Variants in SNTG1 observed in about 807,000 individuals in gnomAD.
SNTG1 encodes the protein gamma-1-syntrophin.
Under a neutral mutation model 74.7 loss-of-function variants are expected in SNTG1, and 39 were observed. That is an observed-to-expected ratio of 0.52 (90% CI 0.40 to 0.68). The LOEUF is 0.68. Ranked by LOEUF, SNTG1 falls within the 30% of genes least tolerant of loss-of-function variation. SNTG1 has a pLI of 0.00. For missense variants in SNTG1, 685 were observed against 609.5 expected (o/e 1.12, Z -1.30); for synonymous variants, 254 against 217.1 (o/e 1.17, Z -1.49).
intron 1 of SNTG1, among the ~76,000 whole-genome samples, chr8:50,006,569 T>C (rs1815260050): frequency 6.6e-6 from 1 of 152,154 alleles, no homozygotes; most frequent in South Asian, 2.1e-4. Context: ...ATTTACCTTG[T>C]TTGGATTTAG....
At chr8:50,156,915 G>A (rs2082272388) in intron 1 of SNTG1, among the ~76,000 whole-genome samples, 1 of 152,134 alleles carries the variant, frequency 6.6e-6, no homozygotes, top group Non-Finnish European at 1.5e-5. Context: ...CACAAGCACT[G>A]TGTGAAATGT....
At chr8:49,995,809 C>A (rs1296771675) in intron 1 of SNTG1, among the ~76,000 whole-genome samples, 1 of 152,196 alleles carries the variant, frequency 6.6e-6, no homozygotes, top group Non-Finnish European at 1.5e-5. Context: ...TCAATAAATC[C>A]TCATTTTACT....
intron 12 of SNTG1, among the ~76,000 whole-genome samples, chr8:50,577,465 T>G (rs1041983864): frequency 5.3e-5 from 8 of 151,604 alleles, no homozygotes; most frequent in East Asian, 3.9e-4. Context: ...TTTTTTGTTT[T>G]TTTTTTTCTT....
At chr8:50,778,678 C>T (rs1452628588) in intron 18 of SNTG1, among the ~76,000 whole-genome samples, 1 of 127,792 alleles carries the variant, frequency 7.8e-6, no homozygotes, top group Admixed American at 7.1e-5. Flanking sequence ...ATGGTAGTTT[C>T]TTTTGCTGTG....
At chr8:50,224,142 A>G (rs1386939560) in intron 2 of SNTG1, among the ~76,000 whole-genome samples, 1 of 152,218 alleles carries the variant, frequency 6.6e-6, no homozygotes, top group African/African-American at 2.4e-5. Flanking sequence ...ATATAAAAAC[A>G]TATAAAGTGA....
At chr8:50,130,114 C>T (rs932611622) in intron 1 of SNTG1, among the ~76,000 whole-genome samples, 1 of 152,118 alleles carries the variant, frequency 6.6e-6, no homozygotes, top group Non-Finnish European at 1.5e-5. Context: ...AAGTTTAAAA[C>T]TCTGAGGAGA....
chr8:50,086,173 G>A (rs1822868720), intron 1 of SNTG1, among the ~76,000 whole-genome samples: 1 of 152,150 alleles, frequency 6.6e-6, no homozygotes, highest in Admixed American at 6.6e-5. Context: ...GCCACATAGG[G>A]GACTACAGAG....
At chr8:50,566,044 T>A (rs1204441182) in intron 12 of SNTG1, among the ~76,000 whole-genome samples, 1 of 150,426 alleles carries the variant, frequency 6.6e-6, no homozygotes, top group African/African-American at 2.5e-5. Flanking sequence ...TAAGACTCAA[T>A]TTATTTTTTA....
intron 8 of SNTG1, among the ~76,000 whole-genome samples, chr8:50,468,408 T>C (rs987451345): frequency 6.6e-6 from 1 of 152,080 alleles, no homozygotes; most frequent in Non-Finnish European, 1.5e-5. Context: ...CCCTTAGCTT[T>C]AGTAATTCTC....
intron 2 of SNTG1, among the ~76,000 whole-genome samples, chr8:50,373,132 A>G (rs1236405953): frequency 1.3e-5 from 2 of 152,214 alleles, no homozygotes; most frequent in African/African-American, 4.8e-5. Flanking sequence ...TGTGTTAATT[A>G]CAAATCATTC....
In SNTG1 at chr8:50,381,836, T is replaced by TTATA. The variant is rs530776565; in HGVS notation, c.-27-12362_-27-12359dup. The TTATA allele has an allele frequency of 4.5e-3, 448 of 98,926 alleles. 3 individuals are homozygous for TTATA. The highest frequency in any genetic ancestry group is 0.012 in the African/African-American group (339 of 28,980). 6.1% of individuals were successfully genotyped at this position (98,926 alleles called of 1,614,324 possible). Reference sequence around the variant, plus strand: ...GCTATATATATAACATATATATATATTATATATATATATATATGAAGGGGA... The same window carrying TTATA: ...GCTATATATATAACATATATATATATTATATATATATATATATATATGAAGGGGA... On this transcript the variant is annotated intron_variant, in intron 2 of 18. Coordinates refer to ENST00000642720, the MANE Select transcript of SNTG1 (RefSeq NM_018967.5).
chr8:50,643,460 C>A (rs530700756), intron 13 of SNTG1, among the ~76,000 whole-genome samples: 1 of 152,256 alleles, frequency 6.6e-6, no homozygotes, highest in South Asian at 2.1e-4. Context: ...AAGCAGCTGG[C>A]AAGAGGGGAA....
intron 2 of SNTG1, among the ~76,000 whole-genome samples, chr8:50,221,550 C>A (rs1372879486): frequency 1.4e-5 from 2 of 144,040 alleles, no homozygotes; most frequent in Non-Finnish European, 3.1e-5. Flanking sequence ...CACACACACA[C>A]AAGACTGACA....
chr8:50,227,148 C>A (rs187292428), intron 2 of SNTG1, among the ~76,000 whole-genome samples: 49 of 152,114 alleles, frequency 3.2e-4, no homozygotes, highest in African/African-American at 1.0e-3. Context: ...GGGAGACAGG[C>A]CAATTTGGAG....
At chr8:50,104,885 G>T (rs1156626499) in intron 1 of SNTG1, among the ~76,000 whole-genome samples, 5 of 152,024 alleles carry the variant, frequency 3.3e-5, no homozygotes, top group Non-Finnish European at 7.4e-5. Context: ...CAATGGGGTT[G>T]TTTGTTTTTC....
chr8:50,756,681 T>C (rs565548273), intron 18 of SNTG1, among the ~76,000 whole-genome samples: 46 of 151,912 alleles, frequency 3.0e-4, no homozygotes, highest in African/African-American at 1.1e-3. Flanking sequence ...CTTTAGAGTA[T>C]GTCTTGAAGT....
At chr8:50,215,580 T>C (rs1023946491) in intron 2 of SNTG1, among the ~76,000 whole-genome samples, 3 of 151,044 alleles carry the variant, frequency 2.0e-5, no homozygotes, top group Non-Finnish European at 3.0e-5. Flanking sequence ...ATAATAAGGA[T>C]CAATTAGGTT....
At chr8:50,457,372 A>G (rs1370839960) in intron 8 of SNTG1, among the ~76,000 whole-genome samples, 2 of 152,192 alleles carry the variant, frequency 1.3e-5, no homozygotes, top group Admixed American at 1.3e-4. Context: ...TGCTGATGCA[A>G]GATCTTAATA....
intron 17 of SNTG1, among the ~76,000 whole-genome samples, chr8:50,750,902 G>C (rs566572298): frequency 2.6e-5 from 4 of 151,868 alleles, no homozygotes; most frequent in African/African-American, 7.3e-5. Flanking sequence ...AGGTATGCCT[G>C]TATATACCCC....
Sources: gnomAD v4.1 joint callset for allele counts (sites outside exome capture counted in the v4.1 genomes callset) on GRCh38, gnomAD v4.1.1 for gene constraint, MANE v1.5 for transcripts, NCBI Gene and HGNC (gene_info 2026-07-23, HGNC 2026-07-21) for gene names.